The following AGO3 variants were observed in gnomAD, a reference collection of about 807,000 sequenced individuals.
AGO3 encodes the protein argonaute RISC catalytic component 3, also known as protein argonaute-3.
In AGO3, 16 loss-of-function variants were observed where a neutral mutation model predicts 105.5. The ratio of observed to expected loss-of-function variants is 0.15; its 90% CI spans 0.10 to 0.23. AGO3 has a LOEUF of 0.23. Ranked by LOEUF, AGO3 falls within the 10% of genes least tolerant of loss-of-function variation. AGO3 has a pLI of 1.00. For synonymous variants in AGO3, 340 were observed against 367.3 expected (o/e 0.93, Z 0.85); for missense variants, 534 against 1,088.0 (o/e 0.49, Z 7.16).
upstream of AGO3, chr1:35,931,031 A>G: frequency 2.7e-6 from 1 of 372,238 alleles, no homozygotes; most frequent in East Asian, 3.9e-5. Flanking sequence ...CTCGGGGCCC[A>G]GAGGCGAGGC....
At position 35,989,125 on chromosome 1, in the gene AGO3, G is replaced by A. The variant is rs148534941; in HGVS notation, c.659-15216G>A. On this transcript the variant is annotated intron_variant, in intron 5 of 18. Transcript: ENST00000373191. The stretch of plus-strand genomic sequence containing the variant: ...AAGTGCAATGGAAGCATAAAAGGGA[G>A]GGATCCATTGTAGTCTCACTGGTTG... Among the ~76,000 whole-genome samples the A allele has an allele frequency of 2.4e-3, 360 of 152,304 alleles. 1 individual carries two copies. Among genetic ancestry groups the A allele is most frequent in the African/African-American group, 8.2e-3 (342 of 41,550 alleles).
intron 9 of AGO3, among the ~76,000 whole-genome samples, chr1:36,011,811 T>C (rs1390313459): frequency 1.3e-5 from 2 of 152,218 alleles, no homozygotes; most frequent in Admixed American, 6.5e-5. Context: ...CATTTTACTT[T>C]ACTGAGCTTT....
At chr1:36,036,801 T>C (rs939432458) in intron 14 of AGO3, among the ~76,000 whole-genome samples, 4 of 152,164 alleles carry the variant, frequency 2.6e-5, no homozygotes, top group Non-Finnish European at 4.4e-5. Context: ...TTCAAGCGAT[T>C]ATCCTGCCTC....
chr1:36,021,274 A>C (rs972730356), intron 11 of AGO3, among the ~76,000 whole-genome samples: 5 of 152,146 alleles, frequency 3.3e-5, no homozygotes, highest in African/African-American at 9.7e-5. Context: ...CTTTTGCACC[A>C]ACCTAATATT....
chr1:35,985,642 AT>A (rs1463916705), intron 5 of AGO3, among the ~76,000 whole-genome samples: 1 of 152,238 alleles, frequency 6.6e-6, no homozygotes, highest in Non-Finnish European at 1.5e-5. Context: ...CACAAAATTT[AT>A]TTCTAGGTGA....
intron 5 of AGO3, chr1:35,983,426 A>AAAAG (rs1647095615): frequency 1.3e-5 from 2 of 151,314 alleles, no homozygotes; most frequent in African/African-American, 2.4e-5. Flanking sequence ...AAAAAAAAAA[A>AAAAG]AAAGAAAAAG....
At chr1:36,034,089 G>GTTTC in intron 12 of AGO3, 85 bp from the exon 13 acceptor site, 2 of 1,307,332 alleles carry the variant, frequency 1.5e-6, no homozygotes, top group Non-Finnish European at 2.0e-6. Flanking sequence ...GATTTTAAGG[G>GTTTC]GGAAACATAG....
At position 35,945,715 on chromosome 1, in the gene AGO3, C is replaced by A. The variant is rs1056066740; in HGVS notation, c.43C>A (p.Leu15Ile). The A allele has an allele frequency of 1.2e-6, 2 of 1,612,744 alleles. No individual in the cohort carries two copies. Among genetic ancestry groups the A allele is most frequent in the Non-Finnish European group, 1.7e-6 (2 of 1,180,008 alleles). Residue 15 changes from leucine (L) to isoleucine (I), a missense_variant, in exon 2 of 19, where the codon CTC becomes ATC. Coordinates refer to ENST00000373191, the MANE Select transcript of AGO3 (RefSeq NM_024852.4). ...AGGACCCGCTGGGGCCCAGCCCCTACTCATGGTGCCCAGAAGACCTGGCTA... is the reference window on the plus strand; with the variant it reads ...AGGACCCGCTGGGGCCCAGCCCCTAATCATGGTGCCCAGAAGACCTGGCTA... ...SAGPAGAQPL[L>I]MVPRRPGYGT...
At chr1:36,040,171 A>C in intron 15 of AGO3, 136 bp from the exon 16 acceptor site, 1 of 1,185,726 alleles carries the variant, frequency 8.4e-7, no homozygotes, top group Non-Finnish European at 1.2e-6. Context: ...CCATGTTCTA[A>C]TAATCGTTAA....
In AGO3 at chr1:35,969,511, G is replaced by C. The variant is rs1002606507; in HGVS notation, c.312+2436G>C. ...TTCTCCGTATGTTCATTAATCTGCT[G>C]TAAGGGAGTATATTTTCTTTTACTC... On this transcript the variant is annotated intron_variant, in intron 3 of 18. Coordinates refer to ENST00000373191, the MANE Select transcript of AGO3 (RefSeq NM_024852.4). 2.0e-5 allele frequency among the ~76,000 whole-genome samples: 3 copies of C among 152,134 alleles called. No individual in the cohort carries two copies. In the South Asian group the frequency reaches 6.2e-4, roughly 31 times the overall value.
chr1:35,971,885 T>C, intron 3 of AGO3, 139 bp from the exon 4 acceptor site: 1 of 783,918 alleles, frequency 1.3e-6, no homozygotes, highest in Non-Finnish European at 2.0e-6. Flanking sequence ...AAATTTTATC[T>C]ACAAAAAAAA....
At chr1:36,053,667 C>G (rs1046002491) in intron 17 of AGO3, among the ~76,000 whole-genome samples, 16 of 151,660 alleles carry the variant, frequency 1.1e-4, no homozygotes, top group African/African-American at 3.9e-4. Context: ...GCAGCCTTGA[C>G]TTCCTGAGCT....
intron 2 of AGO3, among the ~76,000 whole-genome samples, chr1:35,964,325 G>A (rs994042338): frequency 5.9e-5 from 9 of 151,902 alleles, no homozygotes; most frequent in Non-Finnish European, 1.3e-4. Flanking sequence ...TCCTCTATGG[G>A]TCCATATGTT....
At chr1:36,013,582 G>A (rs1183812036) in intron 9 of AGO3, 48 bp from the exon 10 acceptor site, 6 of 1,608,422 alleles carry the variant, frequency 3.7e-6, no homozygotes, top group Non-Finnish European at 5.1e-6. Flanking sequence ...TTAAAGTAGG[G>A]GATTTGGGGG....
At chr1:35,989,635 GA>G (rs555465024) in intron 5 of AGO3, among the ~76,000 whole-genome samples, 1 of 152,210 alleles carries the variant, frequency 6.6e-6, no homozygotes, top group South Asian at 2.1e-4. Context: ...GCATTTTTGG[GA>G]GGTTGAGGTG....
At chr1:35,960,876 G>A (rs1646661054) in intron 2 of AGO3, among the ~76,000 whole-genome samples, 1 of 151,390 alleles carries the variant, frequency 6.6e-6, no homozygotes, top group Non-Finnish European at 1.5e-5. Flanking sequence ...ATTCATAAAA[G>A]TAATATCTAA....
intron 1 of AGO3, among the ~76,000 whole-genome samples, chr1:35,936,728 T>C (rs561463683): frequency 6.6e-6 from 1 of 152,292 alleles, no homozygotes; most frequent in Non-Finnish European, 1.5e-5. Context: ...ATGTGAGACA[T>C]TTTTAGATTA....
intron 12 of AGO3, among the ~76,000 whole-genome samples, chr1:36,033,163 TA>T (rs1641858099): frequency 6.7e-6 from 1 of 149,906 alleles, no homozygotes; most frequent in South Asian, 2.1e-4. Flanking sequence ...ACAAAAAAAA[TA>T]AAAAGTAAAT....
intron 12 of AGO3, among the ~76,000 whole-genome samples, chr1:36,030,497 C>T (rs574490662): frequency 7.4e-5 from 11 of 148,884 alleles, no homozygotes; most frequent in African/African-American, 2.7e-4. Flanking sequence ...AGAGCGAGAC[C>T]CTTTCTCAAA....
Sources: allele counts gnomAD v4.1 joint callset (sites outside exome capture counted in the v4.1 genomes callset), GRCh38; gene constraint gnomAD v4.1.1; transcripts MANE v1.5; gene names NCBI Gene and HGNC (gene_info 2026-07-23, HGNC 2026-07-21).